ADGRL3: variants seen among roughly 807,000 people sequenced by gnomAD.
The protein encoded by ADGRL3 is calcium-independent alpha-latrotoxin receptor 3.
A neutral mutation model predicts 153.5 loss-of-function variants in ADGRL3; 62 were observed. The ratio of observed to expected loss-of-function variants is 0.40; its 90% CI spans 0.33 to 0.50. The LOEUF is 0.50. ADGRL3 is among the 20% of genes least tolerant of loss of function. The pLI, the probability that ADGRL3 is intolerant of heterozygous loss-of-function variation, is 0.47. For synonymous variants in ADGRL3, 710 were observed against 672.5 expected (o/e 1.06, Z -0.86); for missense variants, 1,641 against 1,859.4 (o/e 0.88, Z 2.16).
At chr4:61,695,684 T>C (rs1379253932) in intron 6 of ADGRL3, among the ~76,000 whole-genome samples, 2 of 152,182 alleles carry the variant, frequency 1.3e-5, no homozygotes. Flanking sequence ...CCTGATCATC[T>C]CCTCTTTAGC....
chr4:61,246,513 A>G (rs1361417000), intron 1 of ADGRL3, among the ~76,000 whole-genome samples: 2 of 152,092 alleles, frequency 1.3e-5, no homozygotes, highest in African/African-American at 2.4e-5. Context: ...TGGTTTTACC[A>G]TACATTTAAA....
chr4:61,369,076 T>C (rs2096466941), intron 1 of ADGRL3, among the ~76,000 whole-genome samples: 1 of 152,210 alleles, frequency 6.6e-6, no homozygotes, highest in Admixed American at 6.5e-5. Flanking sequence ...TGCACATTGA[T>C]TTTGTATCCT....
In ADGRL3 at chr4:61,461,357, T is replaced by C. The variant is rs77913061; in HGVS notation, c.-173-35764T>C. On this transcript the variant is annotated intron_variant, in intron 2 of 26. Coordinates refer to ENST00000683033, the MANE Select transcript of ADGRL3 (RefSeq NM_001387552.1). ...TTATAGTATATTGTATATATCAATA[T>C]AGCTAAAAGACAAGATTTGAAATGT... Among the ~76,000 whole-genome samples, 928 of 152,236 alleles carry C rather than the reference T, an allele frequency of 6.1e-3. 37 individuals are homozygous for C. The East Asian group carries it at 0.12, about 19-fold the overall frequency.
At chr4:61,735,470 T>TTTG (rs1195651224) in intron 8 of ADGRL3, among the ~76,000 whole-genome samples, 13 of 152,224 alleles carry the variant, frequency 8.5e-5, no homozygotes, top group Non-Finnish European at 1.6e-4. Flanking sequence ...GGTAAGGTTT[T>TTTG]TTGTTTGTTT....
chr4:61,495,191 G>A (rs1197112999), intron 2 of ADGRL3, among the ~76,000 whole-genome samples: 1 of 152,096 alleles, frequency 6.6e-6, no homozygotes, highest in Non-Finnish European at 1.5e-5. Flanking sequence ...TCTGGCTCCA[G>A]AATGCGTGCT....
chr4:61,891,105 A>G (rs1293214968), intron 9 of ADGRL3, among the ~76,000 whole-genome samples: 1 of 152,190 alleles, frequency 6.6e-6, no homozygotes, highest in East Asian at 1.9e-4. Context: ...TGATTTGGCA[A>G]AAGTAAATAT....
Position 61,434,541 on chromosome 4 carries a change from G to A in ADGRL3, c.-174+51352G>A, listed in dbSNP as rs114569634. Among the ~76,000 whole-genome samples, 405 of 152,144 alleles carry A rather than the reference G, an allele frequency of 2.7e-3. 7 individuals carry two copies. Among genetic ancestry groups the A allele is most frequent in the African/African-American group, 9.4e-3 (389 of 41,524 alleles). On this transcript the variant is annotated intron_variant, in intron 2 of 26. Transcript: ENST00000683033. ...TTGATTTTGACCTTTTCTTTCTGTA[G>A]TCAGAATAGATAATGGACACACACA...
intron 5 of ADGRL3, among the ~76,000 whole-genome samples, chr4:61,628,193 T>C (rs1253151919): frequency 1.3e-5 from 2 of 152,100 alleles, no homozygotes; most frequent in African/African-American, 4.8e-5. Context: ...TATTACATTG[T>C]GGAAAAAAAA....
intron 1 of ADGRL3, chr4:61,212,339 G>A (rs897788979): frequency 1.8e-4 from 28 of 152,152 alleles, no homozygotes; most frequent in Non-Finnish European, 5.9e-5. Flanking sequence ...TTCTTCTGAT[G>A]AGAATATATG....
chr4:61,821,189 C>CAAAAAAAAAAAAA (rs34391051), intron 9 of ADGRL3, among the ~76,000 whole-genome samples: 1 of 107,840 alleles, frequency 9.3e-6, no homozygotes, highest in East Asian at 2.5e-4. Flanking sequence ...TGCCAATTAC[C>CAAAAAAAAAAAAA]AAAAAAAAAA....
chr4:61,834,657 GGAGTTGACCCCAAGGT>G (rs1310149994), intron 9 of ADGRL3, among the ~76,000 whole-genome samples: 1 of 152,126 alleles, frequency 6.6e-6, no homozygotes, highest in Non-Finnish European at 1.5e-5. Context: ...AGTGAGAATG[GGAGTTGACCCCAAGGT>G]GAGAGGAGTG....
intron 4 of ADGRL3, among the ~76,000 whole-genome samples, chr4:61,538,736 C>T (rs2098672641): frequency 6.6e-6 from 1 of 152,144 alleles, no homozygotes; most frequent in Non-Finnish European, 1.5e-5. Flanking sequence ...GCCACCATGC[C>T]TGGCCTGATA....
intron 9 of ADGRL3, among the ~76,000 whole-genome samples, chr4:61,851,660 C>T (rs1310814071): frequency 6.8e-6 from 1 of 147,896 alleles, no homozygotes; most frequent in African/African-American, 2.5e-5. Flanking sequence ...TTTCAGGGGA[C>T]AATTACTGAC....
At chr4:61,609,008 T>C (rs1472824348) in intron 5 of ADGRL3, among the ~76,000 whole-genome samples, 1 of 152,194 alleles carries the variant, frequency 6.6e-6, no homozygotes, top group East Asian at 1.9e-4. Context: ...TGTCTTTTTT[T>C]TCTTTACAGT....
chr4:62,070,123 A>T lies in ADGRL3; in HGVS notation c.3847A>T (p.Asn1283Tyr), dbSNP rs1445756851. Residue 1283 changes from asparagine to tyrosine, a missense_variant, in exon 27 of 27, where the codon AAT becomes TAT. Coordinates refer to ENST00000683033, the MANE Select transcript of ADGRL3 (RefSeq NM_001387552.1). ...ATCTTTTTCAGAGGGGCTTCTGAAC[A>T]ATGCCAGGGATACAAGTGTCATGGA... ...PYRETKGLLN[N>Y]ARDTSVMDTL... is the part of the protein sequence containing the mutation. 1.2e-6 allele frequency: 2 copies of T among 1,613,116 alleles called. No homozygotes were observed. Among genetic ancestry groups the T allele is most frequent in the Non-Finnish European group, 1.7e-6 (2 of 1,179,306 alleles).
rs867857599 is a variant in ADGRL3 at position 61,970,049 on chromosome 4, T to C, written c.2806-9514T>C. On this transcript the variant is annotated intron_variant, in intron 17 of 26. Coordinates refer to ENST00000683033, the MANE Select transcript of ADGRL3 (RefSeq NM_001387552.1). ...CCTGGGCAGTTGGTTGCCCTATTATTAATTCTATCTCTACTGCATACTAGT... is the reference window on the plus strand; with the variant it reads ...CCTGGGCAGTTGGTTGCCCTATTATCAATTCTATCTCTACTGCATACTAGT... Among the ~76,000 whole-genome samples the C allele has an allele frequency of 5.9e-5, 9 of 152,320 alleles. No individual in the cohort carries two copies. In the South Asian group the frequency reaches 1.0e-3, roughly 18 times the overall value.
At chr4:61,690,097 G>A (rs2095512267) in intron 6 of ADGRL3, among the ~76,000 whole-genome samples, 1 of 152,094 alleles carries the variant, frequency 6.6e-6, no homozygotes, top group Non-Finnish European at 1.5e-5. Flanking sequence ...AGTTTTTAAA[G>A]AAGTTTGAAA....
At chr4:61,482,955 G>A (rs2098147159) in intron 2 of ADGRL3, among the ~76,000 whole-genome samples, 1 of 152,078 alleles carries the variant, frequency 6.6e-6, no homozygotes, top group African/African-American at 2.4e-5. Context: ...TAATTACCTT[G>A]TATAATACTA....
At chr4:61,635,670 C>T (rs2093389362) in intron 5 of ADGRL3, among the ~76,000 whole-genome samples, 1 of 152,050 alleles carries the variant, frequency 6.6e-6, no homozygotes, top group Non-Finnish European at 1.5e-5. Context: ...GTATGAGTTT[C>T]CTAGGGCTGC....
Sources: allele counts gnomAD v4.1 joint callset (sites outside exome capture counted in the v4.1 genomes callset), GRCh38; gene constraint gnomAD v4.1.1; transcripts MANE v1.5; gene names NCBI Gene and HGNC (gene_info 2026-07-23, HGNC 2026-07-21).